Variants in MYT1L observed in about 807,000 individuals in gnomAD.
MYT1L encodes myelin transcription factor 1-like protein.
A neutral mutation model predicts 126.7 loss-of-function variants in MYT1L; 12 were observed. The observed-to-expected ratio is 0.09, with a 90% CI of 0.06 to 0.15. The LOEUF (loss-of-function observed/expected upper bound fraction) is 0.15. Among genes scored for constraint, MYT1L ranks in the 10% least tolerant of loss-of-function variants. MYT1L has a pLI of 1.00. For missense variants in MYT1L, 979 were observed against 1,585.2 expected, an observed-to-expected ratio of 0.62 and a Z score of 6.49; for synonymous variants, 541 against 604.2, an observed-to-expected ratio of 0.90 and a Z score of 1.53.
chr2:1,833,953 G>C (rs943619038), intron 21 of MYT1L, among the ~76,000 whole-genome samples: 1 of 152,180 alleles, frequency 6.6e-6, no homozygotes, highest in Non-Finnish European at 1.5e-5. Context: ...ATGGCCAGGG[G>C]CTCCTGTCAG....
chr2:2,128,002 A>G (rs1312079077), intron 3 of MYT1L, among the ~76,000 whole-genome samples: 1 of 152,260 alleles, frequency 6.6e-6, no homozygotes, highest in Non-Finnish European at 1.5e-5. Flanking sequence ...ATTGAATGAA[A>G]TAATGTATGT....
chr2:1,905,496 G>GGTGCA, intron 13 of MYT1L, among the ~76,000 whole-genome samples: 1 of 151,840 alleles, frequency 6.6e-6, no homozygotes, highest in African/African-American at 2.4e-5. Flanking sequence ...TGGGATTACA[G>GGTGCA]TCTCCCGCCA....
At chr2:2,261,644 T>G (rs971472178) in intron 2 of MYT1L, among the ~76,000 whole-genome samples, 28 of 152,212 alleles carry the variant, frequency 1.8e-4, no homozygotes, top group Non-Finnish European at 3.7e-4. Flanking sequence ...CAAAAAGAAA[T>G]AAGTAAGAGA....
chr2:2,152,805 C>T (rs2086029663), intron 3 of MYT1L, among the ~76,000 whole-genome samples: 1 of 152,102 alleles, frequency 6.6e-6, no homozygotes, highest in Non-Finnish European at 1.5e-5. Context: ...GATTATTAAA[C>T]AAGCTATCTT....
At chr2:2,308,565 A>G (rs1012029834) in intron 1 of MYT1L, among the ~76,000 whole-genome samples, 45 of 151,868 alleles carry the variant, frequency 3.0e-4, no homozygotes, top group African/African-American at 1.1e-3. Flanking sequence ...ACACTTCACT[A>G]TACTCTACCT....
intron 4 of MYT1L, among the ~76,000 whole-genome samples, 185 bp from the exon 5 acceptor site, chr2:1,997,532 G>A (rs1278313712): frequency 6.6e-6 from 1 of 152,202 alleles, no homozygotes; most frequent in Non-Finnish European, 1.5e-5. Context: ...TCCTAGGCTT[G>A]ACGCCTGCTG....
intron 3 of MYT1L, among the ~76,000 whole-genome samples, chr2:2,095,542 G>A (rs1490586988): frequency 1.3e-5 from 2 of 152,114 alleles, no homozygotes; most frequent in African/African-American, 2.4e-5. Flanking sequence ...GCTATCCTGC[G>A]AGCCCCCACC....
At chr2:2,266,851 A>G (rs553734598) in intron 2 of MYT1L, among the ~76,000 whole-genome samples, 1 of 152,272 alleles carries the variant, frequency 6.6e-6, no homozygotes, top group South Asian at 2.1e-4. Context: ...GTCATGTAAG[A>G]TGTGACTTTG....
At chr2:1,868,606 G>A (rs2045892323) in intron 18 of MYT1L, among the ~76,000 whole-genome samples, 1 of 152,226 alleles carries the variant, frequency 6.6e-6, no homozygotes, top group East Asian at 1.9e-4. Context: ...CCCAGCCAGG[G>A]AGGAAGGCTC....
intron 3 of MYT1L, among the ~76,000 whole-genome samples, chr2:2,096,681 G>A (rs896835783): frequency 8.5e-5 from 13 of 152,150 alleles, no homozygotes; most frequent in African/African-American, 3.1e-4. Flanking sequence ...CCTTTCAGGG[G>A]TGAGTCCGCA....
chr2:2,207,950 T>C (rs2093375548), intron 2 of MYT1L, among the ~76,000 whole-genome samples: 1 of 152,140 alleles, frequency 6.6e-6, no homozygotes, highest in South Asian at 2.1e-4. Flanking sequence ...AACTCCCTTC[T>C]ACTGGGGCCC....
intron 1 of MYT1L, among the ~76,000 whole-genome samples, chr2:2,287,417 C>G (rs2095538263): frequency 6.6e-6 from 1 of 152,190 alleles, no homozygotes; most frequent in African/African-American, 2.4e-5. Flanking sequence ...GCATCGCCAG[C>G]ATCCTGGTGC....
intron 3 of MYT1L, among the ~76,000 whole-genome samples, chr2:2,158,643 A>ACG (rs2087173695): frequency 6.6e-6 from 1 of 151,218 alleles, no homozygotes; most frequent in African/African-American, 2.4e-5. Flanking sequence ...ACACACACAC[A>ACG]CACACGCGTA....
intron 9 of MYT1L, among the ~76,000 whole-genome samples, chr2:1,933,060 C>T (rs2055239360): frequency 6.6e-6 from 1 of 152,122 alleles, no homozygotes; most frequent in Admixed American, 6.5e-5. Flanking sequence ...ACACTCTTCA[C>T]ACCTCACACT....
At chr2:1,991,267 C>A (rs1301181249) in intron 5 of MYT1L, among the ~76,000 whole-genome samples, 1 of 152,150 alleles carries the variant, frequency 6.6e-6, no homozygotes, top group Admixed American at 6.5e-5. Flanking sequence ...TCCACATCAG[C>A]CCCTGCCGCC....
At chr2:2,055,096 C>T (rs903093588) in intron 3 of MYT1L, among the ~76,000 whole-genome samples, 3 of 152,168 alleles carry the variant, frequency 2.0e-5, no homozygotes, top group Non-Finnish European at 4.4e-5. Context: ...AATGAAATTA[C>T]TCTTTGTAAT....
At chr2:2,256,556 C>T (rs1010607190) in intron 2 of MYT1L, among the ~76,000 whole-genome samples, 1 of 152,206 alleles carries the variant, frequency 6.6e-6, no homozygotes, top group East Asian at 1.9e-4. Flanking sequence ...AGTTTGTCAA[C>T]TACTGTTTTC....
Position 1,923,184 on chromosome 2 carries a change from G to C in MYT1L, c.585C>G (p.Asp195Glu), listed in dbSNP as rs1231576218. 9.3e-6 allele frequency: 15 copies of C among 1,613,770 alleles called. No homozygotes were observed. The highest frequency in any genetic ancestry group is 1.2e-5 in the Non-Finnish European group (14 of 1,179,794). The stretch of plus-strand genomic sequence containing the variant: ...ACTTGGCCACCAGTTCATCGTAATT[G>C]TCATATTCGTCATTATTGTTATCAT... ...EKDDNNNDEY[D>E]NYDELVAKSL... The change falls in exon 10 of 25, where the codon GAC becomes GAG. Residue 195 changes from aspartate (D) to glutamate (E), a missense_variant. Transcript: ENST00000647738.
intron 13 of MYT1L, among the ~76,000 whole-genome samples, chr2:1,904,218 C>T (rs2050734611): frequency 6.6e-6 from 1 of 152,192 alleles, no homozygotes; most frequent in South Asian, 2.1e-4. Flanking sequence ...CTTTTTCTGA[C>T]ACAGCCATGC....
Sources: allele counts gnomAD v4.1 joint callset (sites outside exome capture counted in the v4.1 genomes callset), GRCh38; gene constraint gnomAD v4.1.1; transcripts MANE v1.5; gene names NCBI Gene and HGNC (gene_info 2026-07-23, HGNC 2026-07-21).